ANKRD36: variants seen among roughly 807,000 people sequenced by gnomAD.
ANKRD36 encodes ankyrin repeat domain-containing protein 36A.
A neutral mutation model predicts 278.1 loss-of-function variants in ANKRD36; 179 were observed. The ratio of observed to expected loss-of-function variants is 0.64; its 90% CI spans 0.57 to 0.73. ANKRD36 has a LOEUF of 0.73. Ranked by LOEUF, ANKRD36 falls within the 30% of genes least tolerant of loss-of-function variation. The pLI is 0.00. For synonymous variants in ANKRD36, 320 were observed against 641.1 expected (o/e 0.50, Z 7.57); for missense variants, 1,159 against 1,956.7 (o/e 0.59, Z 7.69).
intron 67 of ANKRD36, among the ~76,000 whole-genome samples, chr2:97,226,840 A>C (rs1244865417): frequency 5.3e-5 from 8 of 151,690 alleles, no homozygotes; most frequent in African/African-American, 1.5e-4. Context: ...AGCTTTCTAC[A>C]TATGGCTAGC....
intron 75 of ANKRD36, among the ~76,000 whole-genome samples, chr2:97,260,425 AAC>A (rs370223632): frequency 0.21 from 25,824 of 124,142 alleles, 4,334 homozygotes; most frequent in African/African-American, 0.5. Context: ...CACACACACA[AAC>A]ACACACACAC....
chr2:97,154,785 C>T (rs1390242302), intron 15 of ANKRD36, 44 bp downstream of exon 15: 3 of 1,389,468 alleles, frequency 2.2e-6, no homozygotes, highest in Non-Finnish European at 2.9e-6. Context: ...TTCTGAATCT[C>T]ATTTTTTGTA....
chr2:97,124,479 G>C lies in ANKRD36; in HGVS notation c.613G>C (p.Val205Leu). 1 of 1,550,118 alleles carries C rather than the reference G, an allele frequency of 6.5e-7. No individual in the cohort carries two copies. Among genetic ancestry groups the C allele is most frequent in the Non-Finnish European group, 8.7e-7 (1 of 1,146,212 alleles). ...TTTTAGATCAGCCCTCATACATGCTGTTACTCTTGGAGAAAAAGATATAGT... is the reference window on the plus strand; with the variant it reads ...TTTTAGATCAGCCCTCATACATGCTCTTACTCTTGGAGAAAAAGATATAGT... ...YLGRSALIHA[V>L]TLGEKDIVIL... Residue 205 changes from valine to leucine, a missense_variant, in exon 5 of 76, where the codon GTT becomes CTT. Physicochemically the swap from Val to Leu is conservative, Grantham distance 32. Coordinates refer to ENST00000420699, the MANE Select transcript of ANKRD36 (RefSeq NM_001354587.1).
chr2:97,165,809 T>G (rs1345413047), intron 20 of ANKRD36, among the ~76,000 whole-genome samples: 10 of 152,148 alleles, frequency 6.6e-5, no homozygotes, highest in African/African-American at 2.2e-4. Flanking sequence ...ATCTTTCTGT[T>G]TTATATATTT....
At chr2:97,207,115 G>A (rs2063078338) in intron 52 of ANKRD36, among the ~76,000 whole-genome samples, 1 of 151,488 alleles carries the variant, frequency 6.6e-6, no homozygotes, top group Non-Finnish European at 1.5e-5. Context: ...GATAATTGAT[G>A]ATATTTTTAT....
rs1447617830 is a variant in ANKRD36, at chr2:97,187,234, A to T, written c.2070+8A>T. The stretch of plus-strand genomic sequence containing the variant: ...AAACAACCAGCCTTGAAGGTAATTA[A>T]ACTCTCATTTATATTGTGAACTAGT... On this transcript the variant is annotated splice_region_variant and intron_variant, in intron 31 of 75. Coordinates refer to ENST00000420699, the MANE Select transcript of ANKRD36 (RefSeq NM_001354587.1). The T allele has an allele frequency of 1.7e-5, 27 of 1,609,786 alleles. No homozygotes were observed. Among genetic ancestry groups the T allele is most frequent in the Non-Finnish European group, 2.2e-5 (26 of 1,178,770 alleles).
intron 67 of ANKRD36, among the ~76,000 whole-genome samples, chr2:97,230,640 G>A (rs1314257482): frequency 5.9e-5 from 9 of 152,084 alleles, no homozygotes; most frequent in African/African-American, 9.7e-5. Context: ...CTCTCAACTC[G>A]TCAAAGTCAT....
chr2:97,233,608 G>C (rs1162816177), intron 67 of ANKRD36, 122 bp from the exon 68 acceptor site: 89 of 1,517,420 alleles, frequency 5.9e-5, no homozygotes, highest in Non-Finnish European at 7.1e-5. Flanking sequence ...TAAAAAAAAA[G>C]TACGGAACAG....
intron 15 of ANKRD36, among the ~76,000 whole-genome samples, chr2:97,155,243 AT>A (rs2047172756): frequency 7.0e-6 from 1 of 142,956 alleles, no homozygotes; most frequent in African/African-American, 2.4e-5. Context: ...ATCATACAGT[AT>A]TTTTGCAGAG....
intron 24 of ANKRD36, among the ~76,000 whole-genome samples, chr2:97,180,423 G>C (rs2055831475): frequency 6.6e-6 from 1 of 151,522 alleles, no homozygotes; most frequent in Non-Finnish European, 1.5e-5. Context: ...GGAGGAAAAA[G>C]AAGGTATTTA....
rs546783197 is a variant in ANKRD36, at chr2:97,244,077, T to C, written c.4491+48T>C. 3.3e-6 allele frequency: 5 copies of C among 1,505,866 alleles called. 1 individual carries two copies. The highest frequency in any genetic ancestry group is 1.4e-5 in the African/African-American group (1 of 73,082). The allele number at this position is 1,505,866 out of a possible 1,614,324, so 93.3% of individuals were successfully genotyped here. A position where few individuals can be genotyped will look rare whatever the true frequency, so the allele number is the denominator to read the frequency against. On this transcript the variant is annotated intron_variant, in intron 70 of 75. Transcript: ENST00000420699. ...TTCATATTTCTACTCTTATTAATAT[T>C]ACTTATACCATCTCTTTCATTTAAC...
At chr2:97,207,202 A>T (rs1379263167) in intron 52 of ANKRD36, among the ~76,000 whole-genome samples, 1 of 151,450 alleles carries the variant, frequency 6.6e-6, no homozygotes, top group Non-Finnish European at 1.5e-5. Flanking sequence ...GGATACAAGA[A>T]ACTTAGGCAG....
chr2:97,171,081 G>C (rs1354162699), intron 22 of ANKRD36, among the ~76,000 whole-genome samples: 2 of 145,622 alleles, frequency 1.4e-5, no homozygotes, highest in South Asian at 2.3e-4. Flanking sequence ...GGAGAAATAG[G>C]AACACTTTTA....
At chr2:97,227,801 A>G (rs2070398464) in intron 67 of ANKRD36, among the ~76,000 whole-genome samples, 1 of 152,112 alleles carries the variant, frequency 6.6e-6, no homozygotes, top group Non-Finnish European at 1.5e-5. Context: ...TTATTTTGAA[A>G]TACGTCCCAT....
intron 67 of ANKRD36, among the ~76,000 whole-genome samples, chr2:97,230,250 T>C (rs1204872096): frequency 6.6e-6 from 1 of 152,110 alleles, no homozygotes; most frequent in Non-Finnish European, 1.5e-5. Context: ...CTTGGTTCCA[T>C]TCTCCCCGTG....
At chr2:97,143,500 T>G (rs2153452132) in intron 8 of ANKRD36, among the ~76,000 whole-genome samples, 1 of 152,374 alleles carries the variant, frequency 6.6e-6, no homozygotes, top group South Asian at 2.1e-4. Flanking sequence ...TCTTTGTTAC[T>G]ATTGGGCATC....
intron 32 of ANKRD36, 72 bp downstream of exon 32, chr2:97,187,473 C>G: frequency 8.6e-6 from 1 of 116,416 alleles, no homozygotes; most frequent in Non-Finnish European, 1.6e-5. Context: ...CCTAATAAAT[C>G]AGCGGAGGGC....
chr2:97,203,166 A>G (rs1323516485), intron 48 of ANKRD36, among the ~76,000 whole-genome samples: 1 of 151,812 alleles, frequency 6.6e-6, no homozygotes, highest in Non-Finnish European at 1.5e-5. Flanking sequence ...CTTGGATACC[A>G]TAGCTATTTC....
At chr2:97,230,988 G>A (rs1416565401) in intron 67 of ANKRD36, among the ~76,000 whole-genome samples, 14 of 152,192 alleles carry the variant, frequency 9.2e-5, no homozygotes, top group African/African-American at 2.6e-4. Context: ...CTGTGTGATC[G>A]TTCCTCTGGG....
Sources: allele counts gnomAD v4.1 joint callset (sites outside exome capture counted in the v4.1 genomes callset), GRCh38; gene constraint gnomAD v4.1.1; transcripts MANE v1.5; gene names NCBI Gene and HGNC (gene_info 2026-07-23, HGNC 2026-07-21).